Variants in RNLS observed in about 807,000 individuals in gnomAD.
RNLS encodes the protein renalase, FAD dependent amine oxidase.
In RNLS, 39 loss-of-function variants were observed where a neutral mutation model predicts 39.8. The ratio of observed to expected loss-of-function variants is 0.98; its 90% CI spans 0.76 to 1.28. The LOEUF (loss-of-function observed/expected upper bound fraction) is 1.28. RNLS is among the 50% of genes most tolerant of loss of function. RNLS has a pLI of 0.00. For missense variants in RNLS, 410 were observed against 413.3 expected (o/e 0.99, Z 0.07); for synonymous variants, 147 against 150.7 (o/e 0.98, Z 0.18).
At chr10:88,564,192 G>A (rs554506780) in intron 4 of RNLS, among the ~76,000 whole-genome samples, 1 of 152,096 alleles carries the variant, frequency 6.6e-6, no homozygotes, top group South Asian at 2.1e-4. Context: ...CTATCACACA[G>A]CAACTAGAAA....
At chr10:88,307,075 T>A (rs1373762582) in intron 6 of RNLS, among the ~76,000 whole-genome samples, 1 of 152,208 alleles carries the variant, frequency 6.6e-6, no homozygotes, top group Non-Finnish European at 1.5e-5. Flanking sequence ...AAAAACCACA[T>A]GATTACCTCA....
At chr10:88,492,941 T>G (rs1478539293) in intron 4 of RNLS, among the ~76,000 whole-genome samples, 1 of 152,166 alleles carries the variant, frequency 6.6e-6, no homozygotes, top group African/African-American at 2.4e-5. Context: ...GTTCTGAACA[T>G]GAAATTTTTA....
chr10:88,451,677 T>C (rs1377979605), intron 4 of RNLS, among the ~76,000 whole-genome samples: 1 of 152,232 alleles, frequency 6.6e-6, no homozygotes, highest in African/African-American at 2.4e-5. Flanking sequence ...TTGGTGCTTC[T>C]GTAAAAGCTG....
chr10:88,418,061 T>C (rs1018498340), intron 4 of RNLS, among the ~76,000 whole-genome samples: 3 of 144,174 alleles, frequency 2.1e-5, no homozygotes, highest in African/African-American at 7.8e-5. Context: ...AAGTTCAGGA[T>C]GGAAAAAGTG....
the RNLS span, among the ~76,000 whole-genome samples, chr10:88,178,134 G>A: frequency 3.3e-5 from 5 of 152,304 alleles, no homozygotes; most frequent in East Asian, 9.6e-4. Flanking sequence ...CCAGGGTGTA[G>A]GGTGCTACAT....
intron 5 of RNLS, among the ~76,000 whole-genome samples, chr10:88,350,171 A>T: frequency 6.9e-6 from 1 of 145,588 alleles, no homozygotes; most frequent in Non-Finnish European, 1.5e-5. Flanking sequence ...GCCTGTCTGG[A>T]TTGCATTTTC....
chr10:88,268,062 C>G, the RNLS span, among the ~76,000 whole-genome samples: 1 of 152,134 alleles, frequency 6.6e-6, no homozygotes, highest in Non-Finnish European at 1.5e-5. Context: ...TTTTATTTTA[C>G]GCTTTTCAAA....
chr10:88,242,733 C>T, the RNLS span, among the ~76,000 whole-genome samples: 1 of 152,028 alleles, frequency 6.6e-6, no homozygotes, highest in Non-Finnish European at 1.5e-5. Flanking sequence ...GGCGGATGAC[C>T]TGAGGTCAGG....
chr10:88,542,705 C>T (rs1040269392), intron 4 of RNLS, among the ~76,000 whole-genome samples: 13 of 152,060 alleles, frequency 8.5e-5, no homozygotes, highest in South Asian at 2.1e-4. Flanking sequence ...GCAAGGCTGC[C>T]GAACTGCCAG....
intron 4 of RNLS, among the ~76,000 whole-genome samples, chr10:88,488,546 CAAAA>C (rs3033822): frequency 2.5e-5 from 2 of 79,022 alleles, no homozygotes; most frequent in Non-Finnish European, 2.3e-5. Flanking sequence ...AACTCCGTCT[CAAAA>C]AAAAAAAAAA....
At chr10:88,275,660 C>A (rs899787674) in intron 6 of RNLS, among the ~76,000 whole-genome samples, 1 of 152,088 alleles carries the variant, frequency 6.6e-6, no homozygotes, top group African/African-American at 2.4e-5. Flanking sequence ...TAAATACATA[C>A]AATATGCTGT....
chr10:88,392,073 ACTTGACTTAG>A (rs1852239834), intron 4 of RNLS, among the ~76,000 whole-genome samples: 1 of 152,236 alleles, frequency 6.6e-6, no homozygotes, highest in African/African-American at 2.4e-5. Context: ...TCTCTATGTG[ACTTGACTTAG>A]AGTTCACCCA....
chr10:88,311,691 T>G (rs1264571672), intron 6 of RNLS, among the ~76,000 whole-genome samples: 1 of 152,208 alleles, frequency 6.6e-6, no homozygotes, highest in East Asian at 1.9e-4. Flanking sequence ...TCAGCAAATA[T>G]TAGTCTCTAG....
chr10:88,204,580 A>G, the RNLS span, among the ~76,000 whole-genome samples: 1 of 152,166 alleles, frequency 6.6e-6, no homozygotes, highest in Middle Eastern at 3.2e-3. Context: ...ACTATTGAGC[A>G]CTTATCATGT....
intron 4 of RNLS, among the ~76,000 whole-genome samples, chr10:88,468,541 T>C (rs1564823771): frequency 6.6e-6 from 1 of 152,172 alleles, no homozygotes; most frequent in Non-Finnish European, 1.5e-5. Flanking sequence ...AGTTTTGGTC[T>C]TTCTGAGTGT....
chr10:88,311,182 A>G (rs1289962919), intron 6 of RNLS, among the ~76,000 whole-genome samples: 1 of 152,236 alleles, frequency 6.6e-6, no homozygotes, highest in East Asian at 1.9e-4. Context: ...AATTTACTAT[A>G]GTTTGAGAAG....
intron 4 of RNLS, among the ~76,000 whole-genome samples, chr10:88,556,469 T>A (rs1294920945): frequency 6.6e-6 from 1 of 152,192 alleles, no homozygotes; most frequent in East Asian, 1.9e-4. Flanking sequence ...GGTAAATTCA[T>A]AATCCCTAAA....
intron 4 of RNLS, among the ~76,000 whole-genome samples, chr10:88,408,019 T>C (rs996270553): frequency 6.6e-6 from 1 of 152,086 alleles, no homozygotes; most frequent in Non-Finnish European, 1.5e-5. Context: ...AGTGTGCTGA[T>C]GAAAGATGAA....
At position 88,520,116 on chromosome 10, in the gene RNLS, G is replaced by T. The variant is rs200894001; in HGVS notation, c.526+52787C>A. ...GTGCCTCATTCCCTGATTCAGGGAT[G>T]TAATTTTTCACACAAATACTGAAGA... is the stretch of plus-strand genomic sequence containing the variant. On this transcript the variant is annotated intron_variant, in intron 4 of 6. Transcript: ENST00000331772. Among the ~76,000 whole-genome samples, 21 of 152,124 alleles carry T rather than the reference G, an allele frequency of 1.4e-4. No homozygotes were observed. The East Asian group carries it at 3.5e-3, about 25-fold the overall frequency.
Sources: allele counts gnomAD v4.1 joint callset (sites outside exome capture counted in the v4.1 genomes callset), GRCh38; gene constraint gnomAD v4.1.1; transcripts MANE v1.5; gene names NCBI Gene and HGNC (gene_info 2026-07-23, HGNC 2026-07-21).